Variants in MYPN observed in about 807,000 individuals in gnomAD.
The protein encoded by MYPN is sarcomeric protein myopalladin, 145 kDa (MYOP).
A neutral mutation model predicts 129.4 loss-of-function variants in MYPN; 63 were observed. That is an observed-to-expected ratio of 0.49 (90% CI 0.40 to 0.60). MYPN has a LOEUF of 0.60. Among genes scored for constraint, MYPN ranks in the 20% least tolerant of loss-of-function variants. The probability of loss-of-function intolerance (pLI) is 0.00; values close to 1 mark genes in which losing one functional copy is unlikely to be tolerated. For synonymous variants in MYPN, 629 were observed against 600.9 expected, an observed-to-expected ratio of 1.05 and a Z score of -0.68; for missense variants, 1,596 against 1,635.4, an observed-to-expected ratio of 0.98 and a Z score of 0.42.
chr10:68,205,017 C>T (rs1444233936), intron 18 of MYPN, among the ~76,000 whole-genome samples: 1 of 152,152 alleles, frequency 6.6e-6, no homozygotes, highest in African/African-American at 2.4e-5. Flanking sequence ...TTCCACTCGA[C>T]CTTTGAGACT....
At chr10:68,149,599 TGATA>T (rs1335490895) in intron 5 of MYPN, among the ~76,000 whole-genome samples, 2 of 152,204 alleles carry the variant, frequency 1.3e-5, no homozygotes, top group African/African-American at 4.8e-5. Context: ...ATACCCAGCC[TGATA>T]TATTTCTTTA....
At chr10:68,093,425 G>A (rs1039159580) in intron 1 of MYPN, among the ~76,000 whole-genome samples, 5 of 152,108 alleles carry the variant, frequency 3.3e-5, no homozygotes, top group South Asian at 4.2e-4. Context: ...AGAGTAAAGT[G>A]AAAGCAAGTT....
chr10:68,181,741 T>C (rs1406289653), intron 12 of MYPN, among the ~76,000 whole-genome samples: 3 of 151,038 alleles, frequency 2.0e-5, no homozygotes, highest in Non-Finnish European at 4.4e-5. Context: ...CCTTCCACTT[T>C]GCCCATCAGC....
intron 15 of MYPN, 128 bp from the exon 16 acceptor site, chr10:68,197,224 G>A: frequency 1.1e-6 from 1 of 889,120 alleles, no homozygotes; most frequent in Non-Finnish European, 1.7e-6. Flanking sequence ...TTATAGTCCA[G>A]CCTCCCCTTT....
At chr10:68,168,223 G>T (rs2043083833) in intron 10 of MYPN, among the ~76,000 whole-genome samples, 1 of 152,106 alleles carries the variant, frequency 6.6e-6, no homozygotes, top group Non-Finnish European at 1.5e-5. Flanking sequence ...CTGATCAGGT[G>T]ACCTCCTGCC....
At chr10:68,176,366 T>A (rs10997977) in intron 12 of MYPN, among the ~76,000 whole-genome samples, 7,944 of 152,280 alleles carry the variant, frequency 0.052, 241 homozygotes, top group Middle Eastern at 0.065. Context: ...ATTATAATAA[T>A]CTAACTCTTG....
At chr10:68,103,092 CA>C (rs1000385373), upstream of MYPN, among the ~76,000 whole-genome samples, 40 of 152,268 alleles carry the variant, frequency 2.6e-4, no homozygotes, top group African/African-American at 9.1e-4. Context: ...AAAAGCAAAA[CA>C]AAAAGATTTT....
intron 2 of MYPN, chr10:68,136,860 G>T (rs2042495011): frequency 1.0e-6 from 1 of 1,004,354 alleles, no homozygotes; most frequent in Admixed American, 2.7e-5. Context: ...TGCTTTAAAA[G>T]CCAAATGTTA....
upstream of MYPN, among the ~76,000 whole-genome samples, chr10:68,107,873 T>C (rs557939900): frequency 6.6e-6 from 1 of 152,154 alleles, no homozygotes; most frequent in Non-Finnish European, 1.5e-5. Context: ...AAACATTGCC[T>C]TTACTAGCCA....
At chr10:68,205,038 A>G (rs61854763) in intron 18 of MYPN, among the ~76,000 whole-genome samples, 22,372 of 152,196 alleles carry the variant, frequency 0.15, 2,138 homozygotes, top group Admixed American at 0.2. Context: ...GAGCTGGAGC[A>G]CATCTTCTGG....
chr10:68,163,712 T>C (rs895719837), intron 8 of MYPN, among the ~76,000 whole-genome samples: 2 of 152,198 alleles, frequency 1.3e-5, no homozygotes, highest in African/African-American at 4.8e-5. Context: ...AACAGTCTTA[T>C]GATCCTAATG....
At chr10:68,152,788 C>T (rs2042796225) in intron 6 of MYPN, among the ~76,000 whole-genome samples, 1 of 152,020 alleles carries the variant, frequency 6.6e-6, no homozygotes, top group South Asian at 2.1e-4. Flanking sequence ...AGGCGTCCAC[C>T]ACCATGCCTG....
At chr10:68,135,221 G>C (rs2042468437) in intron 2 of MYPN, among the ~76,000 whole-genome samples, 2 of 152,090 alleles carry the variant, frequency 1.3e-5, no homozygotes, top group Non-Finnish European at 2.9e-5. Flanking sequence ...CCAAAGTGCT[G>C]GGATCACAGG....
chr10:68,126,981 G>A (rs763580265), intron 2 of MYPN, among the ~76,000 whole-genome samples: 3 of 152,184 alleles, frequency 2.0e-5, no homozygotes, highest in Non-Finnish European at 2.9e-5. Context: ...GTTCAGTCCA[G>A]TGCTAGAGTG....
chr10:68,098,909 A>C (rs1032457838), intron 1 of MYPN, among the ~76,000 whole-genome samples: 3 of 152,212 alleles, frequency 2.0e-5, no homozygotes, highest in African/African-American at 7.2e-5. Context: ...TAGCCAGGGA[A>C]GAAGTTTTTA....
In MYPN at chr10:68,158,164, C is replaced by T. The variant is rs2176105; in HGVS notation, c.1318-322C>T. ...GCTGATCAGGCTGGCTATGCGGGTG[C>T]CCTTTTTCTCCCTCATTGTTTCCAT... On this transcript the variant is annotated intron_variant, in intron 6 of 19. Transcript: ENST00000358913. 202,889 of 268,854 alleles carry T rather than the reference C, an allele frequency of 0.75. 78,329 individuals are homozygous for T. The highest frequency in any genetic ancestry group is 0.86 in the African/African-American group (38,863 of 45,044). 16.7% of individuals were successfully genotyped at this position (268,854 alleles called of 1,614,324 possible). A position where few individuals can be genotyped will look rare whatever the true frequency, so the allele number is the denominator to read the frequency against.
chr10:68,153,074 C>T (rs951484946), intron 6 of MYPN, among the ~76,000 whole-genome samples: 2 of 151,626 alleles, frequency 1.3e-5, no homozygotes, highest in Non-Finnish European at 1.5e-5. Flanking sequence ...CAACCTTTGC[C>T]TCCTGGGTTC....
chr10:68,126,114 A>C (rs2042322567), intron 2 of MYPN, among the ~76,000 whole-genome samples: 1 of 152,184 alleles, frequency 6.6e-6, no homozygotes, highest in Non-Finnish European at 1.5e-5. Context: ...CTCCCGAGGC[A>C]AGTGTTATCA....
At chr10:68,162,094 G>C in intron 8 of MYPN, 1 of 173,892 alleles carries the variant, frequency 5.8e-6, no homozygotes, top group Admixed American at 6.1e-5. Context: ...CTTGAGCCTG[G>C]GAGGTGGAGG....
Sources: gnomAD v4.1 joint callset for allele counts (sites outside exome capture counted in the v4.1 genomes callset) on GRCh38, gnomAD v4.1.1 for gene constraint, MANE v1.5 for transcripts, NCBI Gene and HGNC (gene_info 2026-07-23, HGNC 2026-07-21) for gene names.